The following TENM2 variants were observed in gnomAD, a reference collection of about 807,000 sequenced individuals.
The protein encoded by TENM2 is teneurin transmembrane protein 2.
A neutral mutation model predicts 245.2 loss-of-function variants in TENM2; 52 were observed. That is an observed-to-expected ratio of 0.21 (90% CI 0.17 to 0.27). TENM2 has a LOEUF of 0.27. Among genes scored for constraint, TENM2 ranks in the 10% least tolerant of loss-of-function variants. The probability of loss-of-function intolerance (pLI) is 1.00; values close to 1 mark genes in which losing one functional copy is unlikely to be tolerated. For synonymous variants in TENM2, 1,363 were observed against 1,438.9 expected (o/e 0.95, Z 1.19); for missense variants, 3,046 against 3,666.8 (o/e 0.83, Z 4.37).
At chr5:167,217,902 TC>T in the TENM2 span, among the ~76,000 whole-genome samples, 149,984 of 151,928 alleles carry the variant, frequency 0.99, 74,033 homozygotes, top group East Asian at 1. Context: ...GGATGTCCCC[TC>T]CATGTGATGC....
At chr5:168,162,870 T>G (rs1349595353) in intron 13 of TENM2, 113 bp downstream of exon 15, 1 of 1,303,050 alleles carries the variant, frequency 7.7e-7, no homozygotes, top group Admixed American at 2.0e-5. Context: ...CAAATGTTGT[T>G]GTAACATTTT....
At chr5:167,066,933 G>T in the TENM2 span, among the ~76,000 whole-genome samples, 2 of 151,946 alleles carry the variant, frequency 1.3e-5, 1 homozygote, top group African/African-American at 4.8e-5. Flanking sequence ...TGCACTCTAG[G>T]CCTCCATATG....
intron 4 of TENM2, among the ~76,000 whole-genome samples, chr5:167,986,725 G>A (rs1192566281): frequency 1.3e-5 from 2 of 152,120 alleles, no homozygotes; most frequent in Non-Finnish European, 2.9e-5. Context: ...TTCCATGACC[G>A]ACCGCTGGGA....
upstream of TENM2, among the ~76,000 whole-genome samples, chr5:167,284,149 T>C (rs990034701): frequency 7.9e-5 from 12 of 152,172 alleles, no homozygotes; most frequent in African/African-American, 2.6e-4. Context: ...AAACTGGGAG[T>C]TTGCCAAAAG....
chr5:167,201,217 C>T, the TENM2 span, among the ~76,000 whole-genome samples: 1 of 152,026 alleles, frequency 6.6e-6, no homozygotes, highest in Non-Finnish European at 1.5e-5. Context: ...TCTACGTAGC[C>T]GACAAAGTTA....
intron 15 of TENM2, 66 bp downstream of exon 17, chr5:168,195,361 C>T: frequency 6.5e-7 from 1 of 1,536,650 alleles, no homozygotes. Context: ...ACAGACGGTG[C>T]TGTTGGCTTG....
At chr5:167,161,010 C>T in the TENM2 span, among the ~76,000 whole-genome samples, 3 of 151,948 alleles carry the variant, frequency 2.0e-5, no homozygotes, top group Non-Finnish European at 2.9e-5. Context: ...AAACTGTGTT[C>T]CTTGAACACT....
chr5:167,802,496 C>T (rs973651397), intron 2 of TENM2, among the ~76,000 whole-genome samples: 11 of 152,208 alleles, frequency 7.2e-5, no homozygotes, highest in Middle Eastern at 6.8e-3. Flanking sequence ...TTATTTTGGT[C>T]ACATTTCTAA....
intron 3 of TENM2, among the ~76,000 whole-genome samples, chr5:167,930,928 G>A (rs1271995067): frequency 6.6e-6 from 1 of 152,164 alleles, no homozygotes; most frequent in East Asian, 1.9e-4. Context: ...ACACCGTATA[G>A]TTGCATAAGG....
intron 3 of TENM2, among the ~76,000 whole-genome samples, chr5:167,940,044 G>C (rs1180635149): frequency 1.3e-5 from 2 of 152,124 alleles, no homozygotes; most frequent in Non-Finnish European, 2.9e-5. Context: ...TGTCGTGTTT[G>C]GATTGCTGTA....
chr5:167,957,447 G>T (rs1210759979), intron 4 of TENM2, among the ~76,000 whole-genome samples: 1 of 151,962 alleles, frequency 6.6e-6, no homozygotes, highest in African/African-American at 2.4e-5. Flanking sequence ...TTAATTTTTT[G>T]AAGGGTTTTT....
the TENM2 span, among the ~76,000 whole-genome samples, chr5:167,153,263 G>A: frequency 2.9e-4 from 44 of 151,748 alleles, no homozygotes; most frequent in African/African-American, 8.7e-4. Flanking sequence ...TACCGAGAAC[G>A]TAAGCAGTTG....
At chr5:168,086,157 T>C (rs983228510) in intron 7 of TENM2, among the ~76,000 whole-genome samples, 4 of 152,196 alleles carry the variant, frequency 2.6e-5, no homozygotes, top group African/African-American at 9.7e-5. Context: ...GAAGCATCTC[T>C]GGGCTGCCCG....
intron 10 of TENM2, among the ~76,000 whole-genome samples, chr5:168,124,508 A>G (rs1347638328): frequency 1.3e-5 from 2 of 152,224 alleles, no homozygotes. Context: ...ATGCTCTGAT[A>G]TGATTCAGTC....
At chr5:167,794,059 C>T (rs905419034) in intron 2 of TENM2, among the ~76,000 whole-genome samples, 23 of 151,758 alleles carry the variant, frequency 1.5e-4, no homozygotes, top group Admixed American at 1.5e-3. Context: ...CTTAGGGCTC[C>T]TTTCCCCAAC....
intron 2 of TENM2, among the ~76,000 whole-genome samples, chr5:167,738,082 T>C (rs1760924066): frequency 6.6e-6 from 1 of 152,258 alleles, no homozygotes. Flanking sequence ...ATTTTGTCCT[T>C]GCTTTTCAGC....
chr5:167,413,917 A>G (rs1561935373), intron 2 of TENM2, among the ~76,000 whole-genome samples: 2 of 152,140 alleles, frequency 1.3e-5, no homozygotes, highest in African/African-American at 2.4e-5. Flanking sequence ...ATACTTTACC[A>G]CCTAACGTTT....
At chr5:167,408,666 A>G (rs1762752478) in intron 2 of TENM2, among the ~76,000 whole-genome samples, 1 of 151,914 alleles carries the variant, frequency 6.6e-6, no homozygotes, top group Admixed American at 6.6e-5. Context: ...GTCTTTAGTT[A>G]ATAATAGCAA....
At chr5:168,222,112 C>T (rs1032003635) in intron 23 of TENM2, among the ~76,000 whole-genome samples, 2 of 152,210 alleles carry the variant, frequency 1.3e-5, no homozygotes, top group African/African-American at 4.8e-5. Flanking sequence ...AGGTTTCACT[C>T]AACTAACTGT....
Sources: gnomAD v4.1 joint callset for allele counts (sites outside exome capture counted in the v4.1 genomes callset) on GRCh38, gnomAD v4.1.1 for gene constraint, MANE v1.5 for transcripts, NCBI Gene and HGNC (gene_info 2026-07-23, HGNC 2026-07-21) for gene names.